WDR88: variants seen among roughly 807,000 people sequenced by gnomAD.
WDR88 encodes WD repeat domain 88.
In WDR88, 40 loss-of-function variants were observed where a neutral mutation model predicts 46.8. That is an observed-to-expected ratio of 0.86 (90% CI 0.66 to 1.11). The LOEUF (loss-of-function observed/expected upper bound fraction) is 1.11, where lower values mean the gene tolerates loss of function less well. WDR88 is among the 50% of genes most tolerant of loss of function. WDR88 has a pLI of 0.00. For synonymous variants in WDR88, 235 were observed against 240.7 expected (o/e 0.98, Z 0.22); for missense variants, 562 against 602.4 (o/e 0.93, Z 0.70).
At chr19:33,144,446 C>T (rs1038215986) in intron 2 of WDR88, among the ~76,000 whole-genome samples, 2 of 152,118 alleles carry the variant, frequency 1.3e-5, no homozygotes, top group Non-Finnish European at 2.9e-5. Context: ...GTGATCCACC[C>T]ACCTCGGCCT....
At chr19:33,132,499 A>C (rs921048710) in intron 1 of WDR88, 54 bp downstream of exon 1, 1 of 1,592,270 alleles carries the variant, frequency 6.3e-7, no homozygotes, top group Non-Finnish European at 8.6e-7. Flanking sequence ...ACACGGGAGG[A>C]AGGCGCTCGA....
At position 33,156,510 on chromosome 19, in the gene WDR88, G is replaced by A. The variant is rs760808538; in HGVS notation, c.965G>A (p.Gly322Asp). The part of the protein sequence containing the change: ...ACVTLMQGHE[G>D]SVSSCHFARD... ...GTGACTCTGATGCAGGGCCATGAAG[G>A]TTCTGTCAGTTCCTGTCACTTTGCC... The change falls in exon 7 of 11, where the codon GGT (glycine) becomes GAT (aspartate). Residue 322 changes from glycine (G) to aspartate (D), a missense_variant. Coordinates refer to ENST00000355868, the MANE Select transcript of WDR88 (RefSeq NM_173479.4). 7 of 1,613,752 alleles carry A rather than the reference G, an allele frequency of 4.3e-6. No individual in the cohort carries two copies. Among genetic ancestry groups the A allele is most frequent in the East Asian group, 2.2e-5 (1 of 44,882 alleles).
chr19:33,156,278 A>G (rs1016022756), intron 6 of WDR88, 77 bp from the exon 7 acceptor site: 1 of 1,464,996 alleles, frequency 6.8e-7, no homozygotes, highest in African/African-American at 1.4e-5. Context: ...AGGAGAAAAT[A>G]CCCCCGGCTT....
At chr19:33,158,061 A>C (rs1342697793) in intron 7 of WDR88, among the ~76,000 whole-genome samples, 1 of 152,066 alleles carries the variant, frequency 6.6e-6, no homozygotes, top group East Asian at 1.9e-4. Flanking sequence ...AAAGGGACAT[A>C]GAGGTGAATG....
intron 2 of WDR88, among the ~76,000 whole-genome samples, chr19:33,140,372 C>T (rs1353637079): frequency 6.6e-6 from 1 of 152,160 alleles, no homozygotes; most frequent in Non-Finnish European, 1.5e-5. Flanking sequence ...ATTGCCCAGG[C>T]TAGTCTCAAA....
intron 1 of WDR88, among the ~76,000 whole-genome samples, chr19:33,135,746 C>T (rs1272674774): frequency 6.6e-6 from 1 of 152,182 alleles, no homozygotes; most frequent in Non-Finnish European, 1.5e-5. Context: ...AGTGGCTGCA[C>T]TACTTTACGT....
At chr19:33,149,206 C>T (rs1183930820) in intron 5 of WDR88, among the ~76,000 whole-genome samples, 2 of 152,006 alleles carry the variant, frequency 1.3e-5, no homozygotes, top group African/African-American at 2.4e-5. Context: ...ACCTGTAGTC[C>T]CAGCTGCTTG....
At chr19:33,132,698 G>A (rs1270252) in intron 1 of WDR88, among the ~76,000 whole-genome samples, 129,975 of 152,218 alleles carry the variant, frequency 0.85, 55,841 homozygotes, top group African/African-American at 0.9. Context: ...TTCGCTGGGA[G>A]GAGGCTCTGC....
chr19:33,160,118 C>G (rs949311750), intron 7 of WDR88, among the ~76,000 whole-genome samples: 2 of 152,140 alleles, frequency 1.3e-5, no homozygotes, highest in Non-Finnish European at 2.9e-5. Flanking sequence ...ACAGATGAAG[C>G]TTTGGCTTGC....
At chr19:33,162,736 C>G (rs1568369670) in intron 8 of WDR88, among the ~76,000 whole-genome samples, 1 of 152,002 alleles carries the variant, frequency 6.6e-6, no homozygotes. Flanking sequence ...TTTAAAAAAC[C>G]ATACACAGTG....
intron 1 of WDR88, among the ~76,000 whole-genome samples, chr19:33,132,805 C>A (rs749107297): frequency 2.0e-5 from 3 of 152,196 alleles, no homozygotes; most frequent in Admixed American, 6.6e-5. Flanking sequence ...TGGCTCAGCT[C>A]TCCCCGTCCA....
intron 10 of WDR88, chr19:33,174,115 G>A: frequency 1.3e-6 from 2 of 1,516,098 alleles, no homozygotes; most frequent in Non-Finnish European, 1.8e-6. Flanking sequence ...GCCTCCCAAA[G>A]TGCTGGGACT....
intron 9 of WDR88, among the ~76,000 whole-genome samples, chr19:33,167,391 A>G (rs1198244776): frequency 6.6e-6 from 1 of 152,170 alleles, no homozygotes; most frequent in Non-Finnish European, 1.5e-5. Context: ...AAAACCCAGA[A>G]AGCTAGGAAT....
intron 6 of WDR88, among the ~76,000 whole-genome samples, chr19:33,154,045 C>T (rs1973687072): frequency 6.6e-6 from 1 of 152,098 alleles, no homozygotes; most frequent in South Asian, 2.1e-4. Context: ...AAAGTTGACT[C>T]CATCTTGTCC....
rs540793541 is a variant in WDR88, at chr19:33,149,664, T to A, written c.679+754T>A. 6.5e-3 allele frequency among the ~76,000 whole-genome samples: 995 copies of A among 152,018 alleles called. 8 individuals carry two copies. Among genetic ancestry groups the A allele is most frequent in the African/African-American group, 0.023 (940 of 41,484 alleles). The stretch of plus-strand genomic sequence containing the variant: ...CACCCGGCCTACCTGTATCTTTTTT[T>A]TTTTTCTTTTTTGAGATGGAGTCTT... On this transcript the variant is annotated intron_variant, in intron 5 of 10. Transcript: ENST00000355868.
Position 33,156,398 on chromosome 19 carries a change from G to C in WDR88, c.853G>C (p.Gly285Arg). The change falls in exon 7 of 11, where the codon GGC becomes CGC. Residue 285 changes from glycine to arginine, a missense_variant. Coordinates refer to ENST00000355868, the MANE Select transcript of WDR88 (RefSeq NM_173479.4). ...AISNCCFTFSGHFLCTSSWDK... is the reference protein window; with the variant it reads ...AISNCCFTFSRHFLCTSSWDK... ...CTCAAACTGCTGTTTTACCTTCAGT[G>C]GCCATTTCCTGTGTACAAGCTCCTG... The C allele has an allele frequency of 6.2e-7, 1 of 1,614,130 alleles. No homozygotes were observed. The highest frequency in any genetic ancestry group is 8.5e-7 in the Non-Finnish European group (1 of 1,180,022).
intron 2 of WDR88, among the ~76,000 whole-genome samples, chr19:33,144,150 C>T (rs886530508): frequency 6.6e-6 from 1 of 152,164 alleles, no homozygotes; most frequent in Admixed American, 6.6e-5. Flanking sequence ...CAGTTGGCCC[C>T]GGCCCGCCCA....
chr19:33,155,664 C>T (rs1475072892), intron 6 of WDR88, among the ~76,000 whole-genome samples: 1 of 152,188 alleles, frequency 6.6e-6, no homozygotes, highest in Non-Finnish European at 1.5e-5. Flanking sequence ...CCACCCAGCA[C>T]CAAGCCCCAA....
chr19:33,163,137 T>G (rs1294176834), intron 8 of WDR88, among the ~76,000 whole-genome samples: 1 of 151,856 alleles, frequency 6.6e-6, no homozygotes, highest in Non-Finnish European at 1.5e-5. Context: ...ATCGAGACCA[T>G]CCTGGCTAAC....
Sources: allele counts gnomAD v4.1 joint callset (sites outside exome capture counted in the v4.1 genomes callset), GRCh38; gene constraint gnomAD v4.1.1; transcripts MANE v1.5; gene names NCBI Gene and HGNC (gene_info 2026-07-23, HGNC 2026-07-21).